Variants in GDAP1 observed in about 807,000 individuals in gnomAD.
GDAP1 encodes the protein ganglioside-induced differentiation-associated protein 1.
GDAP1 carries 34 observed loss-of-function variants against 40.1 expected under a neutral mutation model. The ratio of observed to expected loss-of-function variants is 0.85; its 90% confidence interval spans 0.64 to 1.13. The LOEUF (loss-of-function observed/expected upper bound fraction) is 1.13, where lower values mean the gene tolerates loss of function less well. Ranked by LOEUF, GDAP1 falls within the 50% of genes most tolerant of loss-of-function variation. The pLI, the probability that GDAP1 is intolerant of heterozygous loss-of-function variation, is 0.00. For synonymous variants in GDAP1, 170 were observed against 157.4 expected, an observed-to-expected ratio of 1.08 and a Z score of -0.60; for missense variants, 374 against 433.7, an observed-to-expected ratio of 0.86 and a Z score of 1.22.
At chr8:74,412,685 A>C (rs150661457) in intron 2 of GDAP1, among the ~76,000 whole-genome samples, 2,221 of 150,216 alleles carry the variant, frequency 0.015, 49 homozygotes, top group South Asian at 0.025. Context: ...AACTGAGGGC[A>C]AAGAAACAAC....
chr8:74,487,393 A>C (rs559711967), intron 2 of GDAP1, among the ~76,000 whole-genome samples: 1 of 152,318 alleles, frequency 6.6e-6, no homozygotes, highest in South Asian at 2.1e-4. Flanking sequence ...CCAATATTGC[A>C]TAGAGGAGGG....
rs576487511 is a variant in GDAP1, at chr8:74,394,311, G to A, written c.165+42990G>A. 1.1e-4 allele frequency among the ~76,000 whole-genome samples: 16 copies of A among 152,268 alleles called. No individual in the cohort carries two copies. The South Asian group carries it at 1.2e-3, about 12-fold the overall frequency. On this transcript the variant is annotated intron_variant, in intron 2 of 2. Transcript: ENST00000523640. ...TCCCACTGGGTCCCTCCCATGACACGTGGAAATTGTGGGAGTTAAATTCAA... is the reference window on the plus strand; with the variant it reads ...TCCCACTGGGTCCCTCCCATGACACATGGAAATTGTGGGAGTTAAATTCAA...
chr8:74,422,655 T>C (rs1176049591), intron 2 of GDAP1, among the ~76,000 whole-genome samples: 1 of 151,932 alleles, frequency 6.6e-6, no homozygotes, highest in African/African-American at 2.4e-5. Context: ...TATGATTGAC[T>C]CATTCACCTT....
At chr8:74,429,305 A>AAT (rs1554554537) in intron 2 of GDAP1, among the ~76,000 whole-genome samples, 3 of 151,976 alleles carry the variant, frequency 2.0e-5, no homozygotes, top group African/African-American at 4.8e-5. Context: ...TATAATAAAA[A>AAT]ATATATATAT....
chr8:74,462,937 T>C (rs1806418674), intron 2 of GDAP1, among the ~76,000 whole-genome samples: 1 of 150,916 alleles, frequency 6.6e-6, no homozygotes, highest in African/African-American at 2.4e-5. Context: ...GAGATCAAAT[T>C]ATTAAAAGAT....
chr8:74,362,897 T>C (rs1324933954), intron 4 of GDAP1, 42 bp from the exon 5 acceptor site: 3 of 867,054 alleles, frequency 3.5e-6, no homozygotes, highest in Non-Finnish European at 6.0e-6. Flanking sequence ...TTTTTAAAGG[T>C]GCAAATAATA....
At chr8:74,438,283 A>C (rs1346969500) in intron 2 of GDAP1, among the ~76,000 whole-genome samples, 2 of 151,718 alleles carry the variant, frequency 1.3e-5, no homozygotes, top group African/African-American at 4.9e-5. Context: ...AACAAAAAAC[A>C]ACAACAAAAA....
At chr8:74,356,136 C>T (rs986513466) in intron 2 of GDAP1, among the ~76,000 whole-genome samples, 2 of 152,000 alleles carry the variant, frequency 1.3e-5, no homozygotes, top group Non-Finnish European at 2.9e-5. Flanking sequence ...ACTGAAATTG[C>T]AGATTAGCAC....
At chr8:74,351,946 C>T (rs772442524) in intron 2 of GDAP1, among the ~76,000 whole-genome samples, 5 of 152,148 alleles carry the variant, frequency 3.3e-5, no homozygotes, top group Admixed American at 1.3e-4. Flanking sequence ...TATATCTTTA[C>T]TAAGGAATTA....
At chr8:74,421,648 A>G (rs1388455932) in intron 2 of GDAP1, among the ~76,000 whole-genome samples, 1 of 152,148 alleles carries the variant, frequency 6.6e-6, no homozygotes, top group Non-Finnish European at 1.5e-5. Context: ...GTAATTTGTA[A>G]GAGGGCGCTG....
In GDAP1 at chr8:74,452,011, G is replaced by GATCTTTGGCA; in HGVS notation, c.166-36667_166-36666insATCTTTGGCA. Reference sequence around the variant, plus strand: ...GTCGCCCAGGCTGGAGTGCAGTGGCGCGATCTCGGCTCACTGCAAGCTCTG... The same window carrying GATCTTTGGCA: ...GTCGCCCAGGCTGGAGTGCAGTGGCGATCTTTGGCACGATCTCGGCTCACTGCAAGCTCTG... On this transcript the variant is annotated intron_variant, in intron 2 of 2. Coordinates refer to the GDAP1 transcript ENST00000523640. 6.3e-5 allele frequency among the ~76,000 whole-genome samples: 5 copies of GATCTTTGGCA among 79,054 alleles called. 2 individuals carry two copies. The Admixed American group carries it at 6.6e-4, about 10-fold the overall frequency. 51.9% of individuals were successfully genotyped at this position (79,054 alleles called of 152,430 possible).
At chr8:74,429,211 A>G (rs1467536921) in intron 2 of GDAP1, among the ~76,000 whole-genome samples, 3 of 152,098 alleles carry the variant, frequency 2.0e-5, no homozygotes, top group African/African-American at 4.8e-5. Flanking sequence ...ATGATTTATA[A>G]TCCTTTGGGT....
intron 4 of GDAP1, 126 bp from the exon 5 acceptor site, chr8:74,362,813 T>TTG: frequency 2.6e-6 from 1 of 378,476 alleles, no homozygotes; most frequent in Non-Finnish European, 4.8e-6. Flanking sequence ...TTGCTGAGTT[T>TTG]TTCTATTTCT....
At chr8:74,431,861 C>T (rs999571066) in intron 2 of GDAP1, among the ~76,000 whole-genome samples, 3 of 152,098 alleles carry the variant, frequency 2.0e-5, no homozygotes, top group Non-Finnish European at 2.9e-5. Flanking sequence ...TTTTGTACCA[C>T]CACTTAGTAA....
chr8:74,429,301 A>G (rs1011766107), intron 2 of GDAP1, among the ~76,000 whole-genome samples: 1 of 151,988 alleles, frequency 6.6e-6, no homozygotes, highest in Non-Finnish European at 1.5e-5. Flanking sequence ...AAAGTATAAT[A>G]AAAAATATAT....
chr8:74,446,367 A>G (rs1806226913), intron 2 of GDAP1, among the ~76,000 whole-genome samples: 1 of 152,122 alleles, frequency 6.6e-6, no homozygotes, highest in African/African-American at 2.4e-5. Flanking sequence ...GAAAGTCTAG[A>G]GATCTGGAAT....
rs1280470942 is a variant in GDAP1, at chr8:74,364,473, T to G, written c.*106T>G. 1.4e-5 allele frequency: 17 copies of G among 1,178,492 alleles called. No individual in the cohort carries two copies. The highest frequency in any genetic ancestry group is 1.9e-5 in the Non-Finnish European group (15 of 798,462). The allele number at this position is 1,178,492 out of a possible 1,614,324, so 73.0% of individuals were successfully genotyped here. ...TTATTGAGTAGTTAGCAGTATTTTT[T>G]CCTAAAATTCAGAAGTCATCTTTGT... is the stretch of plus-strand genomic sequence containing the variant. On this transcript the variant is annotated 3_prime_UTR_variant, in exon 6 of 6. Coordinates refer to ENST00000220822, the MANE Select transcript of GDAP1 (RefSeq NM_018972.4).
chr8:74,483,212 G>T (rs1806735165), intron 2 of GDAP1, among the ~76,000 whole-genome samples: 1 of 152,088 alleles, frequency 6.6e-6, no homozygotes, highest in Non-Finnish European at 1.5e-5. Flanking sequence ...AGGCCTTGAG[G>T]AATAGAAAGA....
At chr8:74,397,498 T>C (rs1378046224) in intron 2 of GDAP1, among the ~76,000 whole-genome samples, 2 of 152,218 alleles carry the variant, frequency 1.3e-5, no homozygotes, top group Non-Finnish European at 2.9e-5. Context: ...AGGTCTAACA[T>C]TTAAGTCTTT....
Sources: allele counts gnomAD v4.1 joint callset (sites outside exome capture counted in the v4.1 genomes callset), GRCh38; gene constraint gnomAD v4.1.1; transcripts MANE v1.5; gene names NCBI Gene and HGNC (gene_info 2026-07-23, HGNC 2026-07-21).